Variants in ADGRL3 observed in about 807,000 individuals in gnomAD.
ADGRL3 encodes adhesion G protein-coupled receptor L3.
A neutral mutation model predicts 153.5 loss-of-function variants in ADGRL3; 62 were observed. The observed-to-expected ratio is 0.40, with a 90% CI of 0.33 to 0.50. The LOEUF is 0.50. Ranked by LOEUF, ADGRL3 falls within the 20% of genes least tolerant of loss-of-function variation. ADGRL3 has a pLI of 0.47. For synonymous variants in ADGRL3, 710 were observed against 672.5 expected, an observed-to-expected ratio of 1.06 and a Z score of -0.86; for missense variants, 1,641 against 1,859.4, an observed-to-expected ratio of 0.88 and a Z score of 2.16.
rs1453858040 is a variant in ADGRL3 at position 62,076,265 on chromosome 4, C to G, written c.*5357C>G. ...GCTAAGTTTTGATGTTTCTTTTTCT[C>G]TTAATAGTATGTCAAAAGCATTGTT... On this transcript the variant is annotated 3_prime_UTR_variant, in exon 27 of 27. Coordinates refer to ENST00000683033, the MANE Select transcript of ADGRL3 (RefSeq NM_001387552.1). 1 of 151,956 alleles carries G rather than the reference C, an allele frequency of 6.6e-6. No individual in the cohort carries two copies. The allele number at this position is 151,956 out of a possible 1,614,324, so 9.4% of individuals were successfully genotyped here.
chr4:61,903,877 A>G (rs115442406), intron 11 of ADGRL3, among the ~76,000 whole-genome samples: 2,070 of 151,818 alleles, frequency 0.014, 52 homozygotes, highest in African/African-American at 0.048. Flanking sequence ...GGATGAAACA[A>G]TTCTCCCACC....
chr4:61,982,091 A>G (rs1190987377), intron 18 of ADGRL3, among the ~76,000 whole-genome samples: 1 of 152,174 alleles, frequency 6.6e-6, no homozygotes, highest in Non-Finnish European at 1.5e-5. Flanking sequence ...CCAAGAATGT[A>G]TCATTTTATT....
intron 4 of ADGRL3, among the ~76,000 whole-genome samples, chr4:61,565,566 T>A (rs2098812978): frequency 6.6e-6 from 1 of 151,930 alleles, no homozygotes; most frequent in Non-Finnish European, 1.5e-5. Flanking sequence ...AGATGAAGTC[T>A]CACTCTTGTC....
chr4:61,376,986 A>T (rs2096610835), intron 1 of ADGRL3, among the ~76,000 whole-genome samples: 1 of 152,112 alleles, frequency 6.6e-6, no homozygotes, highest in South Asian at 2.1e-4. Flanking sequence ...CTTGGTTTTA[A>T]TGTTAATAAA....
At chr4:61,656,069 T>C (rs2094434994) in intron 5 of ADGRL3, among the ~76,000 whole-genome samples, 1 of 152,182 alleles carries the variant, frequency 6.6e-6, no homozygotes, top group African/African-American at 2.4e-5. Flanking sequence ...AGGTTTTTGA[T>C]GTTGAAGTAA....
intron 5 of ADGRL3, among the ~76,000 whole-genome samples, chr4:61,646,276 C>G (rs927799314): frequency 6.6e-6 from 1 of 152,190 alleles, no homozygotes; most frequent in African/African-American, 2.4e-5. Flanking sequence ...AAGCCTTCTT[C>G]TCTCAGCTCG....
At chr4:61,780,103 C>A (rs1249496560) in intron 8 of ADGRL3, among the ~76,000 whole-genome samples, 1 of 152,148 alleles carries the variant, frequency 6.6e-6, no homozygotes, top group Admixed American at 6.5e-5. Flanking sequence ...AGCTGTGGAG[C>A]AATATATATA....
intron 10 of ADGRL3, among the ~76,000 whole-genome samples, chr4:61,894,131 A>G (rs894288409): frequency 4.6e-5 from 7 of 152,194 alleles, no homozygotes; most frequent in East Asian, 1.9e-4. Flanking sequence ...ATTGGTATTC[A>G]TAAATGAATA....
At chr4:61,800,770 G>A (rs1051775525) in intron 8 of ADGRL3, among the ~76,000 whole-genome samples, 8 of 152,148 alleles carry the variant, frequency 5.3e-5, no homozygotes, top group African/African-American at 9.7e-5. Context: ...TCAATTACAG[G>A]CCATCAGGCA....
At chr4:61,758,264 A>G (rs1487408515) in intron 8 of ADGRL3, among the ~76,000 whole-genome samples, 2 of 152,144 alleles carry the variant, frequency 1.3e-5, no homozygotes, top group Non-Finnish European at 2.9e-5. Flanking sequence ...GATCTGTCTA[A>G]TGGTGACAGT....
chr4:61,661,736 A>T (rs1015350545), intron 5 of ADGRL3, among the ~76,000 whole-genome samples: 1 of 152,128 alleles, frequency 6.6e-6, no homozygotes, highest in African/African-American at 2.4e-5. Context: ...TAGGCATTTG[A>T]TTTCATACTT....
chr4:61,902,731 A>G (rs2098671328), intron 11 of ADGRL3, among the ~76,000 whole-genome samples: 1 of 152,008 alleles, frequency 6.6e-6, no homozygotes, highest in Non-Finnish European at 1.5e-5. Context: ...TCTTCTTTCT[A>G]TTCCATCTCA....
intron 8 of ADGRL3, among the ~76,000 whole-genome samples, chr4:61,744,828 G>T (rs998347685): frequency 6.6e-6 from 1 of 152,236 alleles, no homozygotes; most frequent in Non-Finnish European, 1.5e-5. Flanking sequence ...CCAAAGGAAT[G>T]CAGCTCCTCA....
At chr4:61,225,233 C>A (rs995971113) in intron 1 of ADGRL3, among the ~76,000 whole-genome samples, 1 of 152,188 alleles carries the variant, frequency 6.6e-6, no homozygotes, top group African/African-American at 2.4e-5. Flanking sequence ...GGACTGGGAA[C>A]AGTCACGTTC....
chr4:61,322,685 C>T (rs956092805), intron 1 of ADGRL3, among the ~76,000 whole-genome samples: 5 of 152,204 alleles, frequency 3.3e-5, no homozygotes, highest in Non-Finnish European at 5.9e-5. Context: ...ATTCAGGTCA[C>T]GCTGATGGAA....
intron 4 of ADGRL3, among the ~76,000 whole-genome samples, chr4:61,573,579 T>G (rs1256941789): frequency 6.6e-6 from 1 of 151,950 alleles, no homozygotes; most frequent in Non-Finnish European, 1.5e-5. Context: ...AAGTTGATAT[T>G]CATGTAATAT....
intron 4 of ADGRL3, among the ~76,000 whole-genome samples, chr4:61,566,813 T>A (rs2149065921): frequency 6.6e-6 from 1 of 152,302 alleles, no homozygotes; most frequent in East Asian, 1.9e-4. Flanking sequence ...TTATTGCTCC[T>A]TTTGACTGTT....
chr4:61,762,259 C>T (rs2096921989), intron 8 of ADGRL3, among the ~76,000 whole-genome samples: 1 of 152,046 alleles, frequency 6.6e-6, no homozygotes, highest in African/African-American at 2.4e-5. Flanking sequence ...ATTTTTGAAA[C>T]ATTTATATTA....
chr4:61,459,055 A>G, intron 2 of ADGRL3, among the ~76,000 whole-genome samples: 1 of 151,662 alleles, frequency 6.6e-6, no homozygotes, highest in East Asian at 1.9e-4. Flanking sequence ...TAAGGAAAAG[A>G]TTATTTTCTT....
Sources: gnomAD v4.1 joint callset for allele counts (sites outside exome capture counted in the v4.1 genomes callset) on GRCh38, gnomAD v4.1.1 for gene constraint, MANE v1.5 for transcripts, NCBI Gene and HGNC (gene_info 2026-07-23, HGNC 2026-07-21) for gene names.